Variants in ANK3 observed in about 807,000 individuals in gnomAD.
ANK3 encodes ankyrin 3, also known as ankyrin-3.
Under a neutral mutation model 370.9 loss-of-function variants are expected in ANK3, and 57 were observed. That is an observed-to-expected ratio of 0.15 (90% CI 0.12 to 0.19). The LOEUF (loss-of-function observed/expected upper bound fraction) is 0.19, where lower values mean the gene tolerates loss of function less well. Among genes scored for constraint, ANK3 ranks in the 10% least tolerant of loss-of-function variants. ANK3 has a pLI of 1.00. For missense variants in ANK3, 4,439 were observed against 5,302.1 expected (o/e 0.84, Z 5.06); for synonymous variants, 1,929 against 1,946.3 (o/e 0.99, Z 0.23).
chr10:60,601,020 T>C (rs935198580), intron 2 of ANK3, among the ~76,000 whole-genome samples: 1 of 152,074 alleles, frequency 6.6e-6, no homozygotes, highest in Non-Finnish European at 1.5e-5. Flanking sequence ...ATAAGAAATA[T>C]GTATGAAGGG....
chr10:60,249,719 TGGAGC>T (rs1327226666), intron 7 of ANK3, among the ~76,000 whole-genome samples: 1 of 152,206 alleles, frequency 6.6e-6, no homozygotes, highest in African/African-American at 2.4e-5. Flanking sequence ...CCTAAGGAGC[TGGAGC>T]TACTCTTCTA....
chr10:60,237,586 TTCTTTTTTTTC>T (rs1210327673), intron 7 of ANK3, among the ~76,000 whole-genome samples: 1 of 151,914 alleles, frequency 6.6e-6, no homozygotes, highest in Non-Finnish European at 1.5e-5. Context: ...TGCCTTGAGT[TTCTTTTTTTTC>T]TCTTTTTTTT....
intron 2 of ANK3, among the ~76,000 whole-genome samples, chr10:60,485,378 C>T (rs912937466): frequency 1.4e-4 from 21 of 152,136 alleles, no homozygotes; most frequent in African/African-American, 4.6e-4. Context: ...CTTTTCTCAT[C>T]GGATGTGAAT....
chr10:60,376,812 A>C lies in ANK3; in HGVS notation c.114+12613T>G, dbSNP rs141281487. Among the ~76,000 whole-genome samples, 738 of 152,362 alleles carry C rather than the reference A, an allele frequency of 4.8e-3. 6 individuals carry two copies. Among genetic ancestry groups the C allele is most frequent in the African/African-American group, 0.017 (711 of 41,584 alleles). On this transcript the variant is annotated intron_variant, in intron 1 of 43. Transcript: ENST00000280772. ...AGATCAGGATCACTAATTCTATAAT[A>C]ATGAAGACAAACGAATGGGTGAACT...
intron 1 of ANK3, among the ~76,000 whole-genome samples, chr10:60,681,678 C>T (rs577859025): frequency 6.6e-6 from 1 of 152,284 alleles, no homozygotes; most frequent in South Asian, 2.1e-4. Context: ...ACCGTAAATT[C>T]CACAAAGACA....
Position 60,140,564 on chromosome 10 carries a change from CAG to C in ANK3, c.2615-1479_2615-1478del, listed in dbSNP as rs2132214011. On this transcript the variant is annotated intron_variant, in intron 23 of 43. Coordinates refer to ENST00000280772, the MANE Select transcript of ANK3 (RefSeq NM_020987.5). The stretch of plus-strand genomic sequence containing the variant: ...GAGGAATTATACATCTTTCCCCACT[CAG>C]AGTTCGAAGATTTTCAAAATTTCAG... 5 of 1,380,440 alleles carry C rather than the reference CAG, an allele frequency of 3.6e-6. No homozygotes were observed. In the East Asian group the frequency reaches 1.4e-4, roughly 38 times the overall value. 85.5% of individuals were successfully genotyped at this position (1,380,440 alleles called of 1,614,324 possible). A position where few individuals can be genotyped will look rare whatever the true frequency, so the allele number is the denominator to read the frequency against.
At chr10:60,628,614 A>G (rs527462636) in intron 1 of ANK3, among the ~76,000 whole-genome samples, 58 of 152,340 alleles carry the variant, frequency 3.8e-4, no homozygotes, top group Admixed American at 9.8e-4. Flanking sequence ...TGGTTTCAAG[A>G]AAATAAAACA....
rs182616500 is a variant in ANK3 at position 60,316,660 on chromosome 10, C to T, written c.115-37021G>A. Among the ~76,000 whole-genome samples the T allele has an allele frequency of 1.3e-3, 194 of 152,282 alleles. 1 individual carries two copies. Among genetic ancestry groups the T allele is most frequent in the African/African-American group, 4.5e-3 (186 of 41,558 alleles). ...GAAGAGAACGTGGTTTTATAATTGT[C>T]CTTTTAGAGACACTGCAACCCTGTC... On this transcript the variant is annotated intron_variant, in intron 1 of 43. Coordinates refer to ENST00000280772, the MANE Select transcript of ANK3 (RefSeq NM_020987.5).
At chr10:60,501,900 C>T (rs1030477628) in intron 2 of ANK3, among the ~76,000 whole-genome samples, 4 of 151,992 alleles carry the variant, frequency 2.6e-5, no homozygotes, top group African/African-American at 7.2e-5. Flanking sequence ...GCAGGAGCAT[C>T]GCTTCAGCCC....
chr10:60,271,259 C>T (rs1161851772), intron 4 of ANK3, among the ~76,000 whole-genome samples: 1 of 151,862 alleles, frequency 6.6e-6, no homozygotes, highest in Non-Finnish European at 1.5e-5. Context: ...AAATGGAGTG[C>T]CGGGGTATCG....
chr10:60,197,409 C>T (rs966390557), intron 14 of ANK3, among the ~76,000 whole-genome samples: 1 of 152,112 alleles, frequency 6.6e-6, no homozygotes, highest in African/African-American at 2.4e-5. Context: ...TCAGGGATTA[C>T]GGGGTCATCA....
intron 16 of ANK3, among the ~76,000 whole-genome samples, chr10:60,191,591 G>T (rs530376179): frequency 6.6e-6 from 1 of 152,262 alleles, no homozygotes; most frequent in South Asian, 2.1e-4. Flanking sequence ...TGCTGGTGAG[G>T]ATGCAGAGAA....
At chr10:60,094,176 A>G (rs2089486403) in intron 28 of ANK3, among the ~76,000 whole-genome samples, 2 of 139,584 alleles carry the variant, frequency 1.4e-5, no homozygotes, top group Admixed American at 1.5e-4. Flanking sequence ...GAGAAACAGT[A>G]TTCTATTTTT....
At position 60,073,036 on chromosome 10, in the gene ANK3, A is replaced by C. The variant is rs1205470349; in HGVS notation, c.7845T>G (p.Pro2615=). The C allele has an allele frequency of 1.2e-6, 2 of 1,614,056 alleles. No homozygotes were observed. Among genetic ancestry groups the C allele is most frequent in the Non-Finnish European group, 1.7e-6 (2 of 1,179,996 alleles). Residue 2615 remains proline (P), a synonymous_variant, in exon 37 of 44, where the codon CCT becomes CCG. Transcript: ENST00000280772. ...ELQSPEKKAR[P]KNGKEYSSQS... ...GAGAAGAATATTCTTTGCCATTTTT[A>C]GGGCGTGCCTTTTTCTCTGGGGACT...
chr10:60,095,314 T>C (rs2089878385), intron 28 of ANK3, among the ~76,000 whole-genome samples: 1 of 152,228 alleles, frequency 6.6e-6, no homozygotes, highest in African/African-American at 2.4e-5. Flanking sequence ...CAAACAACTG[T>C]ACAGTTCTTT....
intron 8 of ANK3, among the ~76,000 whole-genome samples, chr10:60,231,402 C>A (rs1184263534): frequency 1.3e-5 from 2 of 152,148 alleles, no homozygotes. Context: ...TGCTTTCCTG[C>A]CTCTAAAACA....
chr10:60,199,757 C>T (rs2096644853), intron 13 of ANK3, among the ~76,000 whole-genome samples: 1 of 151,882 alleles, frequency 6.6e-6, no homozygotes, highest in Non-Finnish European at 1.5e-5. Flanking sequence ...TATAAGTCAA[C>T]CAGAAAAGCT....
chr10:60,689,754 CAAA>C (rs10676088), intron 1 of ANK3, among the ~76,000 whole-genome samples: 4 of 108,278 alleles, frequency 3.7e-5, no homozygotes, highest in Non-Finnish European at 5.8e-5. Flanking sequence ...GACTTCATCT[CAAA>C]AAAAAAAAAA....
chr10:60,695,149 G>T (rs375227564), intron 1 of ANK3, among the ~76,000 whole-genome samples: 1 of 152,034 alleles, frequency 6.6e-6, no homozygotes, highest in African/African-American at 2.4e-5. Context: ...AAGAGACAAA[G>T]AAGTCCATTA....
Sources: gnomAD v4.1 joint callset for allele counts (sites outside exome capture counted in the v4.1 genomes callset) on GRCh38, gnomAD v4.1.1 for gene constraint, MANE v1.5 for transcripts, NCBI Gene and HGNC (gene_info 2026-07-23, HGNC 2026-07-21) for gene names.